CFAP43: variants seen among roughly 807,000 people sequenced by gnomAD.
The protein encoded by CFAP43 is cilia and flagella associated protein 43, also known as cilia- and flagella-associated protein 43.
A neutral mutation model predicts 218.9 loss-of-function variants in CFAP43; 155 were observed. The observed-to-expected ratio is 0.71, with a 90% CI of 0.62 to 0.81. The LOEUF is 0.81. Ranked by LOEUF, CFAP43 falls within the 30% of genes least tolerant of loss-of-function variation. The pLI is 0.00. For synonymous variants in CFAP43, 645 were observed against 681.3 expected (o/e 0.95, Z 0.83); for missense variants, 1,778 against 1,954.3 (o/e 0.91, Z 1.70).
intron 12 of CFAP43, among the ~76,000 whole-genome samples, chr10:104,191,086 G>A (rs2090195275): frequency 6.6e-6 from 1 of 152,172 alleles, no homozygotes; most frequent in South Asian, 2.1e-4. Flanking sequence ...GCCTTGGCTA[G>A]TATTATAGCT....
intron 12 of CFAP43, among the ~76,000 whole-genome samples, chr10:104,188,929 G>C (rs1389475825): frequency 6.6e-6 from 1 of 152,138 alleles, no homozygotes; most frequent in African/African-American, 2.4e-5. Flanking sequence ...ATTTGTTCCA[G>C]ATTCACTCTC....
intron 1 of CFAP43, among the ~76,000 whole-genome samples, chr10:104,231,736 G>A (rs1205904581): frequency 1.3e-5 from 2 of 152,160 alleles, no homozygotes; most frequent in Non-Finnish European, 2.9e-5. Context: ...TCCAAAGCTA[G>A]TGGATAGGAG....
chr10:104,220,956 G>A (rs1211244876), intron 3 of CFAP43, among the ~76,000 whole-genome samples: 1 of 129,408 alleles, frequency 7.7e-6, no homozygotes, highest in Non-Finnish European at 1.7e-5. Context: ...GAGCGTGTGT[G>A]TGTGTGTGTG....
intron 18 of CFAP43, 59 bp from the exon 19 acceptor site, chr10:104,179,165 GAGA>G: frequency 2.2e-6 from 3 of 1,360,758 alleles, no homozygotes; most frequent in Non-Finnish European, 3.1e-6. Flanking sequence ...CAGAGAGAGA[GAGA>G]GAGAGAGAGA....
chr10:104,187,889 T>C (rs1321176370), intron 13 of CFAP43, among the ~76,000 whole-genome samples: 1 of 152,236 alleles, frequency 6.6e-6, no homozygotes, highest in Non-Finnish European at 1.5e-5. Flanking sequence ...AGAGTATCTA[T>C]TTTCTCATAC....
chr10:104,213,862 T>C (rs1215558769), intron 4 of CFAP43, among the ~76,000 whole-genome samples: 1 of 152,214 alleles, frequency 6.6e-6, no homozygotes, highest in Non-Finnish European at 1.5e-5. Flanking sequence ...TATCTAACCA[T>C]TTCTTATTTT....
At chr10:104,130,425 T>G in intron 37 of CFAP43, 120 bp from the exon 38 acceptor site, 1 of 1,146,632 alleles carries the variant, frequency 8.7e-7, no homozygotes, top group Non-Finnish European at 1.2e-6. Context: ...TGCACTTGTA[T>G]GTTTACAGCA....
At chr10:104,148,065 T>A in intron 28 of CFAP43, 67 bp from the exon 29 acceptor site, 1 of 999,586 alleles carries the variant, frequency 1.0e-6, no homozygotes. Context: ...TTCTATAGAC[T>A]TGGCACTAAT....
chr10:104,162,303 G>T lies in CFAP43; in HGVS notation c.3333+14C>A. On this transcript the variant is annotated intron_variant, in intron 25 of 37. Coordinates refer to ENST00000357060, the MANE Select transcript of CFAP43 (RefSeq NM_025145.7). ...AAGAGGGTCTTAGGACCTGTGTTAAGCAAAGCTACATGCCTGTATCAGAAG... is the reference window on the plus strand; with the variant it reads ...AAGAGGGTCTTAGGACCTGTGTTAATCAAAGCTACATGCCTGTATCAGAAG... The T allele has an allele frequency of 1.9e-6, 3 of 1,611,822 alleles. No individual in the cohort carries two copies. Among genetic ancestry groups the T allele is most frequent in the Non-Finnish European group, 2.5e-6 (3 of 1,177,910 alleles).
chr10:104,152,238 T>C (rs1037038243), intron 28 of CFAP43, among the ~76,000 whole-genome samples: 3 of 152,134 alleles, frequency 2.0e-5, no homozygotes, highest in Non-Finnish European at 2.9e-5. Flanking sequence ...TACAATTCAG[T>C]AGCAATGAAT....
chr10:104,225,483 GGA>G lies in CFAP43; in HGVS notation c.392_393del (p.Leu131ProfsTer4), dbSNP rs1564819027. On this transcript the variant is annotated frameshift_variant, in exon 3 of 38. Coordinates refer to ENST00000357060, the MANE Select transcript of CFAP43 (RefSeq NM_025145.7). LOFTEE classifies it high-confidence loss of function. The stretch of plus-strand genomic sequence containing the variant: ...TACCAAAGGGCCAGTTCAAATTCTG[GGA>G]GAGAGGAGTAACTAGCCAGGTAGGT... ...CGTYLASYSS[L>X]PEFELALWNW... is the part of the protein sequence containing the mutation. 6.2e-7 allele frequency: 1 copy of G among 1,612,126 alleles called. No individual in the cohort carries two copies. Among genetic ancestry groups the G allele is most frequent in the Middle Eastern group, 1.7e-4 (1 of 6,056 alleles).
At chr10:104,134,515 GCTCA>G (rs950042378) in intron 34 of CFAP43, among the ~76,000 whole-genome samples, 6 of 151,912 alleles carry the variant, frequency 3.9e-5, no homozygotes, top group African/African-American at 1.5e-4. Flanking sequence ...GAAAAAAAAG[GCTCA>G]AATTGCTAAA....
At chr10:104,201,790 T>C (rs546664983) in intron 8 of CFAP43, among the ~76,000 whole-genome samples, 1 of 152,318 alleles carries the variant, frequency 6.6e-6, no homozygotes, top group East Asian at 1.9e-4. Context: ...TCATAGACCT[T>C]CCCACCTGGG....
intron 6 of CFAP43, among the ~76,000 whole-genome samples, chr10:104,207,090 T>G (rs2090715509): frequency 6.6e-6 from 1 of 152,020 alleles, no homozygotes; most frequent in Non-Finnish European, 1.5e-5. Context: ...ACGAGATCGC[T>G]TGAACCCAGG....
intron 10 of CFAP43, among the ~76,000 whole-genome samples, chr10:104,195,184 G>A (rs1418247770): frequency 1.3e-5 from 2 of 152,196 alleles, no homozygotes; most frequent in African/African-American, 2.4e-5. Flanking sequence ...ACTGCCTGAA[G>A]GAAGGCAACA....
Position 104,131,382 on chromosome 10 carries a change from G to C in CFAP43, c.4780C>G (p.Arg1594Gly). The C allele has an allele frequency of 6.2e-7, 1 of 1,613,520 alleles. No homozygotes were observed. The highest frequency in any genetic ancestry group is 8.5e-7 in the Non-Finnish European group (1 of 1,179,856). ...IANYALSCNL[R>G]EELVAVSERK... ...TCTGAGACAGCTACCAACTCTTCTC[G>C]TAGATTGCAGCTTAGGGCATAATTT... The change falls in exon 37 of 38, where the codon CGA becomes GGA. Residue 1594 changes from arginine (R) to glycine (G), a missense_variant. Around this residue, in one of 3 missense-constraint regions of CFAP43, gnomAD observed 211 missense variants for 230.6 expected, o/e 0.91. Coordinates refer to ENST00000357060, the MANE Select transcript of CFAP43 (RefSeq NM_025145.7).
rs746693440 is a variant in CFAP43, at chr10:104,212,147, A to G, written c.595T>C (p.Leu199=). Residue 199 remains leucine (L), a synonymous_variant, in exon 5 of 38, where the codon TTA becomes CTA. Coordinates refer to ENST00000357060, the MANE Select transcript of CFAP43 (RefSeq NM_025145.7). ...EHCFRARSVK[L]PLEDGSFFNE... is the part of the protein sequence containing the mutation. ...AAAAATGACCCATCTTCTAGAGGTA[A>G]TTTCACCGACCTGTAGACAAAAGAG... 6.2e-7 allele frequency: 1 copy of G among 1,613,664 alleles called. No individual in the cohort carries two copies. Among genetic ancestry groups the G allele is most frequent in the Non-Finnish European group, 8.5e-7 (1 of 1,179,786 alleles).
chr10:104,142,226 A>T, intron 33 of CFAP43, 55 bp downstream of exon 33: 3 of 1,466,374 alleles, frequency 2.0e-6, no homozygotes, highest in Non-Finnish European at 2.8e-6. Context: ...ACACAACCTG[A>T]TTTAGCCCTA....
intron 3 of CFAP43, among the ~76,000 whole-genome samples, chr10:104,216,408 G>A (rs923250306): frequency 6.6e-6 from 1 of 152,034 alleles, no homozygotes; most frequent in Non-Finnish European, 1.5e-5. Flanking sequence ...CTTCTGCCTC[G>A]CTGACTCAGT....
Sources: gnomAD v4.1 joint callset for allele counts (sites outside exome capture counted in the v4.1 genomes callset) on GRCh38, gnomAD v4.1.1 for gene constraint, gnomAD v4.1.1 regional missense constraint, MANE v1.5 for transcripts, NCBI Gene and HGNC (gene_info 2026-07-23, HGNC 2026-07-21) for gene names.